DLGAP2: variants seen among roughly 807,000 people sequenced by gnomAD.
The protein encoded by DLGAP2 is disks large-associated protein 2.
Under a neutral mutation model 100.3 loss-of-function variants are expected in DLGAP2, and 26 were observed. The ratio of observed to expected loss-of-function variants is 0.26; its 90% CI spans 0.19 to 0.36. The LOEUF (loss-of-function observed/expected upper bound fraction) is 0.36, where lower values mean the gene tolerates loss of function less well. Ranked by LOEUF, DLGAP2 falls within the 10% of genes least tolerant of loss-of-function variation. The pLI is 1.00. For synonymous variants in DLGAP2, 886 were observed against 630.1 expected, an observed-to-expected ratio of 1.41 and a Z score of -6.08; for missense variants, 1,858 against 1,453.2, an observed-to-expected ratio of 1.28 and a Z score of -4.53.
chr8:935,799 T>A (rs1799057469), intron 2 of DLGAP2, among the ~76,000 whole-genome samples: 1 of 152,242 alleles, frequency 6.6e-6, no homozygotes, highest in Non-Finnish European at 1.5e-5. Flanking sequence ...CTCGGTGGAA[T>A]TCCACATAAA....
At chr8:1,443,330 C>T (rs983014342) in intron 3 of DLGAP2, among the ~76,000 whole-genome samples, 1 of 152,154 alleles carries the variant, frequency 6.6e-6, no homozygotes, top group African/African-American at 2.4e-5. Context: ...GATGTTAATA[C>T]TTCCAGCCTT....
intron 6 of DLGAP2, among the ~76,000 whole-genome samples, chr8:1,590,580 AT>A (rs1410213322): frequency 1.3e-5 from 2 of 152,186 alleles, no homozygotes; most frequent in East Asian, 3.9e-4. Flanking sequence ...ATTGTTGGTG[AT>A]TCTTCATGAA....
At chr8:1,200,954 G>A (rs1030092131) in intron 2 of DLGAP2, among the ~76,000 whole-genome samples, 1 of 152,210 alleles carries the variant, frequency 6.6e-6, no homozygotes. Context: ...TGTTGTGCAC[G>A]GCGGGGCGCT....
chr8:1,020,894 G>A (rs953192385), intron 2 of DLGAP2, among the ~76,000 whole-genome samples: 9 of 152,178 alleles, frequency 5.9e-5, no homozygotes, highest in African/African-American at 1.4e-4. Context: ...GACCATCCCT[G>A]CCTCATCCCC....
chr8:1,217,036 T>G (rs1798228669), intron 2 of DLGAP2, among the ~76,000 whole-genome samples: 1 of 152,138 alleles, frequency 6.6e-6, no homozygotes. Context: ...TGGGGTTTGG[T>G]GTACAAAAAA....
At chr8:1,020,074 TTAAA>T (rs1322140821) in intron 2 of DLGAP2, among the ~76,000 whole-genome samples, 3 of 152,242 alleles carry the variant, frequency 2.0e-5, no homozygotes, top group Non-Finnish European at 4.4e-5. Flanking sequence ...TTGATGGCCA[TTAAA>T]TAATTTTTAT....
chr8:1,023,551 T>C (rs949067994), intron 2 of DLGAP2, among the ~76,000 whole-genome samples: 1 of 151,760 alleles, frequency 6.6e-6, no homozygotes, highest in African/African-American at 2.4e-5. Context: ...GAATGACCTT[T>C]GTGTGTGTGA....
intron 3 of DLGAP2, among the ~76,000 whole-genome samples, chr8:1,451,692 A>G (rs563157484): frequency 1.3e-5 from 2 of 152,116 alleles, no homozygotes; most frequent in East Asian, 3.9e-4. Context: ...CTTCTCAGCC[A>G]TCACACAGCC....
At chr8:1,696,218 C>G (rs998592212) in intron 13 of DLGAP2, among the ~76,000 whole-genome samples, 2 of 152,196 alleles carry the variant, frequency 1.3e-5, no homozygotes, top group Non-Finnish European at 2.9e-5. Context: ...ATGTAGGGAG[C>G]AAGCCGGGCA....
intron 2 of DLGAP2, among the ~76,000 whole-genome samples, chr8:1,070,387 G>A (rs1031767353): frequency 1.3e-5 from 2 of 152,182 alleles, no homozygotes; most frequent in South Asian, 2.1e-4. Flanking sequence ...AATAAATCTC[G>A]TGGTTCCTGA....
intron 2 of DLGAP2, among the ~76,000 whole-genome samples, chr8:1,255,020 G>A (rs1231914382): frequency 5.3e-5 from 6 of 112,720 alleles, no homozygotes; most frequent in South Asian, 3.1e-4. Context: ...GGCGCTGTGT[G>A]TGTGTCTTCT....
chr8:1,347,777 G>C (rs908421268), intron 3 of DLGAP2, among the ~76,000 whole-genome samples: 1 of 151,874 alleles, frequency 6.6e-6, no homozygotes, highest in African/African-American at 2.4e-5. Context: ...TGCACTCATG[G>C]TAACTGTGTG....
At chr8:1,671,518 AGGGTCCTGTCCCGGGGTGGG>A (rs1459291487) in intron 10 of DLGAP2, among the ~76,000 whole-genome samples, 1 of 152,218 alleles carries the variant, frequency 6.6e-6, no homozygotes, top group Non-Finnish European at 1.5e-5. Context: ...CAGCTCCAGG[AGGGTCCTGTCCCGGGGTGGG>A]GGGTCCTGTC....
intron 2 of DLGAP2, among the ~76,000 whole-genome samples, chr8:1,051,628 C>A (rs1170205559): frequency 1.3e-5 from 2 of 152,172 alleles, no homozygotes; most frequent in Non-Finnish European, 2.9e-5. Flanking sequence ...TTTCTGGGGT[C>A]TTAAATGGAC....
chr8:814,905 G>C (rs1796436495), intron 1 of DLGAP2, among the ~76,000 whole-genome samples: 1 of 143,648 alleles, frequency 7.0e-6, no homozygotes, highest in East Asian at 2.0e-4. Flanking sequence ...CCCTTGAAAT[G>C]AAAACTTGGT....
intron 3 of DLGAP2, among the ~76,000 whole-genome samples, chr8:1,410,907 A>G (rs1199271482): frequency 1.3e-5 from 2 of 151,824 alleles, no homozygotes; most frequent in African/African-American, 4.8e-5. Context: ...CTCCTGGTGA[A>G]CATGTAAATA....
At chr8:1,049,315 C>G (rs186592111) in intron 2 of DLGAP2, among the ~76,000 whole-genome samples, 9 of 152,050 alleles carry the variant, frequency 5.9e-5, no homozygotes, top group African/African-American at 2.2e-4. Context: ...GCCTGTTCTA[C>G]TTCTATAATT....
intron 3 of DLGAP2, among the ~76,000 whole-genome samples, chr8:1,411,099 T>C (rs1796718072): frequency 6.6e-6 from 1 of 152,172 alleles, no homozygotes; most frequent in Admixed American, 6.5e-5. Flanking sequence ...GTTGTTCCTT[T>C]CAGGTATTCA....
intron 3 of DLGAP2, among the ~76,000 whole-genome samples, chr8:1,366,006 G>A (rs1258390043): frequency 1.3e-5 from 2 of 152,230 alleles, no homozygotes; most frequent in Admixed American, 6.5e-5. Flanking sequence ...TCACGGCACC[G>A]TCCAGCCTGG....
Sources: allele counts gnomAD v4.1 joint callset (sites outside exome capture counted in the v4.1 genomes callset), GRCh38; gene constraint gnomAD v4.1.1; transcripts MANE v1.5; gene names NCBI Gene and HGNC (gene_info 2026-07-23, HGNC 2026-07-21).